EPHB1: variants seen among roughly 807,000 people sequenced by gnomAD.
EPHB1 encodes EPH receptor B1, also known as ephrin type-B receptor 1.
A neutral mutation model predicts 94.4 loss-of-function variants in EPHB1; 30 were observed. That is an observed-to-expected ratio of 0.32 (90% CI 0.24 to 0.43). The LOEUF (loss-of-function observed/expected upper bound fraction) is 0.43. EPHB1 is among the 20% of genes least tolerant of loss of function. The probability of loss-of-function intolerance (pLI) is 1.00; values close to 1 mark genes in which losing one functional copy is unlikely to be tolerated. For missense variants in EPHB1, 1,055 were observed against 1,308.3 expected (o/e 0.81, Z 2.99); for synonymous variants, 522 against 489.1 (o/e 1.07, Z -0.89).
chr3:135,157,199 G>C (rs1201551974), intron 6 of EPHB1, among the ~76,000 whole-genome samples: 1 of 152,184 alleles, frequency 6.6e-6, no homozygotes, highest in African/African-American at 2.4e-5. Flanking sequence ...GCAGGTGGTG[G>C]TGCTGGGAAG....
intron 3 of EPHB1, among the ~76,000 whole-genome samples, chr3:134,966,106 C>T (rs955916974): frequency 2.0e-5 from 3 of 152,198 alleles, no homozygotes; most frequent in East Asian, 1.9e-4. Context: ...GCCATCTGCT[C>T]GCTCCTTTCA....
At chr3:134,909,836 G>C (rs867648844) in intron 1 of EPHB1, among the ~76,000 whole-genome samples, 1 of 152,178 alleles carries the variant, frequency 6.6e-6, no homozygotes, top group Non-Finnish European at 1.5e-5. Flanking sequence ...AGAGGAAGAG[G>C]TGACTTCCAG....
chr3:135,213,358 G>T (rs976938699), intron 12 of EPHB1, among the ~76,000 whole-genome samples: 1 of 152,192 alleles, frequency 6.6e-6, no homozygotes, highest in Admixed American at 6.5e-5. Context: ...AGCTAGGCTG[G>T]ACTCTGAACA....
intron 13 of EPHB1, among the ~76,000 whole-genome samples, chr3:135,241,695 G>A (rs1201531942): frequency 6.6e-6 from 1 of 152,250 alleles, no homozygotes; most frequent in Non-Finnish European, 1.5e-5. Context: ...CTGGGGGCCA[G>A]GGCCTGGGTT....
chr3:135,075,807 A>G (rs565108974), intron 3 of EPHB1, among the ~76,000 whole-genome samples: 138 of 152,334 alleles, frequency 9.1e-4, no homozygotes, highest in African/African-American at 3.2e-3. Flanking sequence ...TCTATGAAGG[A>G]GGAGAGATGC....
At chr3:135,236,367 C>T (rs35879719) in intron 12 of EPHB1, among the ~76,000 whole-genome samples, 24,141 of 150,900 alleles carry the variant, frequency 0.16, 2,152 homozygotes, top group East Asian at 0.4. Flanking sequence ...CATCCTAATC[C>T]AGTATGATGT....
In EPHB1 at chr3:135,248,361, G is replaced by A; in HGVS notation, c.2542G>A (p.Asp848Asn). 2.5e-6 allele frequency: 4 copies of A among 1,611,060 alleles called. No individual in the cohort carries two copies. Among genetic ancestry groups the A allele is most frequent in the Non-Finnish European group, 3.4e-6 (4 of 1,177,658 alleles). ...EQDYRLPPPM[D>N]CPAALHQLML... ...GGACTACCGGCTGCCCCCACCCATG[G>A]ACTGTCCAGCTGCTCTACACCAGCT... The change falls in exon 14 of 16, where the codon GAC becomes AAC. Residue 848 changes from aspartate (D) to asparagine (N), a missense_variant. Physicochemically the swap from Asp to Asn is conservative, Grantham distance 23 (BLOSUM62 1). Coordinates refer to ENST00000398015, the MANE Select transcript of EPHB1 (RefSeq NM_004441.5).
chr3:134,896,810 G>A (rs1017686211), intron 1 of EPHB1, among the ~76,000 whole-genome samples: 1 of 152,242 alleles, frequency 6.6e-6, no homozygotes, highest in South Asian at 2.1e-4. Context: ...TGCCGACTGC[G>A]GCTATTGTCG....
At chr3:134,861,545 G>T (rs1209895627) in intron 1 of EPHB1, among the ~76,000 whole-genome samples, 1 of 152,206 alleles carries the variant, frequency 6.6e-6, no homozygotes, top group East Asian at 1.9e-4. Flanking sequence ...GGAAAGTCAT[G>T]CCAGCTTCCA....
intron 1 of EPHB1, among the ~76,000 whole-genome samples, chr3:134,909,040 A>T (rs1303429719): frequency 8.3e-5 from 12 of 144,296 alleles, no homozygotes; most frequent in African/African-American, 3.1e-4. Context: ...CGCTGGGCTG[A>T]TCAGACCCCG....
intron 1 of EPHB1, among the ~76,000 whole-genome samples, chr3:134,879,330 C>T (rs1298858439): frequency 1.3e-5 from 2 of 152,060 alleles, no homozygotes; most frequent in Non-Finnish European, 2.9e-5. Flanking sequence ...AAGCACAGAT[C>T]CTATCAATAA....
intron 9 of EPHB1, among the ~76,000 whole-genome samples, chr3:135,172,202 T>C (rs897660708): frequency 1.3e-5 from 2 of 152,166 alleles, no homozygotes; most frequent in African/African-American, 4.8e-5. Context: ...GAAATGCCAG[T>C]GTTCAGTGCT....
chr3:134,992,485 G>A (rs1312068707), intron 3 of EPHB1, among the ~76,000 whole-genome samples: 3 of 152,236 alleles, frequency 2.0e-5, no homozygotes, highest in African/African-American at 7.2e-5. Context: ...AGAGGTTGAA[G>A]CAAGACAACC....
intron 15 of EPHB1, among the ~76,000 whole-genome samples, chr3:135,251,653 T>C (rs1384622949): frequency 6.6e-6 from 1 of 152,212 alleles, no homozygotes; most frequent in Non-Finnish European, 1.5e-5. Flanking sequence ...AATTCAAGCA[T>C]GCTTCCCTAA....
chr3:135,001,570 C>A (rs1020642197), intron 3 of EPHB1, among the ~76,000 whole-genome samples: 2 of 152,214 alleles, frequency 1.3e-5, no homozygotes, highest in Non-Finnish European at 2.9e-5. Flanking sequence ...GGGCATATAG[C>A]AAAGCCTTCC....
At chr3:134,864,094 C>T (rs1275729509) in intron 1 of EPHB1, among the ~76,000 whole-genome samples, 2 of 152,154 alleles carry the variant, frequency 1.3e-5, no homozygotes, top group Non-Finnish European at 2.9e-5. Context: ...ACAACAGAGA[C>T]GATGGTTCAG....
intron 3 of EPHB1, among the ~76,000 whole-genome samples, chr3:135,022,751 A>G (rs1936027764): frequency 2.6e-5 from 4 of 152,176 alleles, no homozygotes; most frequent in Admixed American, 2.6e-4. Flanking sequence ...TCTCATTCTC[A>G]TTATTTATAA....
intron 3 of EPHB1, among the ~76,000 whole-genome samples, chr3:134,963,135 C>CTTCTTCCT (rs1933589923): frequency 7.3e-6 from 1 of 136,966 alleles, no homozygotes; most frequent in Non-Finnish European, 1.6e-5. Context: ...CCTTCTCTTG[C>CTTCTTCCT]TCCTTCCTTC....
At chr3:135,060,847 A>G (rs1937479879) in intron 3 of EPHB1, among the ~76,000 whole-genome samples, 1 of 151,582 alleles carries the variant, frequency 6.6e-6, no homozygotes, top group Non-Finnish European at 1.5e-5. Flanking sequence ...GTTATTGACT[A>G]TTGTCACCCT....
Sources: gnomAD v4.1 joint callset for allele counts (sites outside exome capture counted in the v4.1 genomes callset) on GRCh38, gnomAD v4.1.1 for gene constraint, MANE v1.5 for transcripts, NCBI Gene and HGNC (gene_info 2026-07-23, HGNC 2026-07-21) for gene names.